BMPR2: variants seen among roughly 807,000 people sequenced by gnomAD.
BMPR2 encodes bone morphogenetic protein receptor type-2.
Under a neutral mutation model 100.8 loss-of-function variants are expected in BMPR2, and 29 were observed. The observed-to-expected ratio is 0.29, with a 90% CI of 0.21 to 0.39. The LOEUF (loss-of-function observed/expected upper bound fraction) is 0.39, where lower values mean the gene tolerates loss of function less well. Ranked by LOEUF, BMPR2 falls within the 10% of genes least tolerant of loss-of-function variation. BMPR2 has a pLI of 1.00. For missense variants in BMPR2, 1,011 were observed against 1,274.5 expected (o/e 0.79, Z 3.15); for synonymous variants, 382 against 442.3 (o/e 0.86, Z 1.71).
At chr2:202,551,065 T>C (rs973012762) in intron 10 of BMPR2, among the ~76,000 whole-genome samples, 1 of 150,148 alleles carries the variant, frequency 6.7e-6, no homozygotes, top group African/African-American at 2.5e-5. Context: ...CAAGCAATTT[T>C]CCTGCCTCAG....
At chr2:202,464,020 G>A (rs1255371864) in intron 1 of BMPR2, among the ~76,000 whole-genome samples, 3 of 151,974 alleles carry the variant, frequency 2.0e-5, no homozygotes, top group African/African-American at 7.2e-5. Flanking sequence ...TTAGCCGGGC[G>A]TGGTGGCACA....
At chr2:202,520,252 A>G (rs764768824) in intron 7 of BMPR2, 51 bp downstream of exon 7, 17 of 1,250,252 alleles carry the variant, frequency 1.4e-5, no homozygotes, top group East Asian at 2.3e-5. Flanking sequence ...CAAAATTCAC[A>G]ACAGGAAATT....
chr2:202,529,040 A>G (rs904355135), intron 7 of BMPR2, among the ~76,000 whole-genome samples: 8 of 152,138 alleles, frequency 5.3e-5, no homozygotes, highest in Non-Finnish European at 7.4e-5. Context: ...CTCCCTATGA[A>G]TTTTTTCCAT....
At chr2:202,499,796 A>AC (rs1348336004) in intron 3 of BMPR2, among the ~76,000 whole-genome samples, 1 of 152,218 alleles carries the variant, frequency 6.6e-6, no homozygotes, top group African/African-American at 2.4e-5. Flanking sequence ...ACCAAGAGGA[A>AC]CAGGCCCAAA....
At position 202,532,570 on chromosome 2, in the gene BMPR2, A is replaced by G; in HGVS notation, c.1129-15A>G. 1.2e-6 allele frequency: 2 copies of G among 1,613,262 alleles called. No homozygotes were observed. The highest frequency in any genetic ancestry group is 1.7e-6 in the Non-Finnish European group (2 of 1,179,408). Reference sequence around the variant, plus strand: ...CTACGTTCTCTCTCTAAAAAATATCACTCTAATTTATCAGGTTGGCACTAT... The same window carrying G: ...CTACGTTCTCTCTCTAAAAAATATCGCTCTAATTTATCAGGTTGGCACTAT... On this transcript the variant is annotated splice_polypyrimidine_tract_variant and intron_variant, in intron 8 of 12. Transcript: ENST00000374580. This position sits in a 1 kb window ranked among gnomAD's most constrained non-coding sequence, Gnocchi z 4.1.
chr2:202,469,850 A>G (rs4675279), intron 3 of BMPR2, among the ~76,000 whole-genome samples: 21,700 of 151,292 alleles, frequency 0.14, 1,889 homozygotes, highest in South Asian at 0.32. Context: ...AAGGGGGGGA[A>G]AAAAAGCCCT....
At position 202,555,391 on chromosome 2, in the gene BMPR2, C is replaced by T. The variant is rs765802370; in HGVS notation, c.1726C>T (p.Pro576Ser). The T allele has an allele frequency of 1.9e-6, 3 of 1,614,156 alleles. No homozygotes were observed. The highest frequency in any genetic ancestry group is 2.5e-6 in the Non-Finnish European group (3 of 1,180,030). ...CTCTGAGCATTCTATGTCCAGCACA[C>T]CTTTGACTATAGGGGAAAAAAACCG... The part of the protein sequence containing the change: ...ISSEHSMSST[P>S]LTIGEKNRNS... The change falls in exon 12 of 13, where the codon CCT (proline) becomes TCT (serine). Residue 576 changes from proline to serine, a missense_variant. By Grantham distance (74) the Pro-to-Ser change is moderately conservative. Around this residue, in one of 6 missense-constraint regions of BMPR2, gnomAD observed 508 missense variants for 552.0 expected, o/e 0.92. Transcript: ENST00000374580.
chr2:202,483,725 G>A (rs1692710564), intron 3 of BMPR2, among the ~76,000 whole-genome samples: 1 of 152,136 alleles, frequency 6.6e-6, no homozygotes, highest in African/African-American at 2.4e-5. Context: ...TTTGGATGTA[G>A]TTCAATTTAT....
intron 1 of BMPR2, among the ~76,000 whole-genome samples, chr2:202,464,434 A>G (rs1692279871): frequency 6.6e-6 from 1 of 152,168 alleles, no homozygotes; most frequent in Non-Finnish European, 1.5e-5. Flanking sequence ...GTACTATGCA[A>G]TTTCCAGAAT....
At chr2:202,530,747 A>G in intron 7 of BMPR2, 47 bp from the exon 8 acceptor site, 1 of 1,495,166 alleles carries the variant, frequency 6.7e-7, no homozygotes, top group Non-Finnish European at 9.2e-7. Context: ...TTTCATGTTC[A>G]ATAGTCCCTT....
At chr2:202,432,205 A>G (rs1691520238) in intron 1 of BMPR2, among the ~76,000 whole-genome samples, 1 of 150,736 alleles carries the variant, frequency 6.6e-6, no homozygotes, top group Admixed American at 6.6e-5. Flanking sequence ...AAATTCCTTT[A>G]AGATTTGTTT....
chr2:202,380,420 A>C (rs1559019239), intron 1 of BMPR2, among the ~76,000 whole-genome samples: 1 of 152,092 alleles, frequency 6.6e-6, no homozygotes, highest in African/African-American at 2.4e-5. Flanking sequence ...GAGTAACTGA[A>C]GTTTAGTAAT....
At chr2:202,480,991 G>A (rs1273042929) in intron 3 of BMPR2, among the ~76,000 whole-genome samples, 2 of 140,752 alleles carry the variant, frequency 1.4e-5, no homozygotes, top group Admixed American at 7.4e-5. Flanking sequence ...TCAATTGACC[G>A]TAAGTGCAAA....
chr2:202,539,660 G>A (rs1376326189), intron 9 of BMPR2, among the ~76,000 whole-genome samples: 1 of 151,980 alleles, frequency 6.6e-6, no homozygotes, highest in African/African-American at 2.4e-5. Flanking sequence ...TATTACAGAG[G>A]AAGAGTGAAA....
At chr2:202,394,935 G>T (rs1690629955) in intron 1 of BMPR2, among the ~76,000 whole-genome samples, 3 of 150,912 alleles carry the variant, frequency 2.0e-5, no homozygotes, top group Non-Finnish European at 1.5e-5. Flanking sequence ...TCCCAGGCTG[G>T]AGTGCAGTGG....
At chr2:202,382,627 C>G (rs1690327873) in intron 1 of BMPR2, among the ~76,000 whole-genome samples, 2 of 152,184 alleles carry the variant, frequency 1.3e-5, no homozygotes, top group Non-Finnish European at 2.9e-5. Flanking sequence ...ATAGGAATTT[C>G]AACCAGGAAT....
intron 1 of BMPR2, among the ~76,000 whole-genome samples, chr2:202,398,954 C>A (rs1218633709): frequency 6.6e-6 from 1 of 152,098 alleles, no homozygotes; most frequent in South Asian, 2.1e-4. Context: ...CATTGAGAAA[C>A]CCCGTCTCTA....
intron 1 of BMPR2, among the ~76,000 whole-genome samples, chr2:202,425,258 C>T (rs956599679): frequency 2.6e-5 from 4 of 152,172 alleles, no homozygotes; most frequent in African/African-American, 9.7e-5. Flanking sequence ...TATCTTCACC[C>T]CTTGCCCCAG....
intron 1 of BMPR2, among the ~76,000 whole-genome samples, chr2:202,439,671 G>A (rs574237401): frequency 5.3e-5 from 8 of 149,776 alleles, no homozygotes; most frequent in Non-Finnish European, 7.4e-5. Flanking sequence ...TTTTTGTCTC[G>A]TTCCTGATCT....
Sources: allele counts gnomAD v4.1 joint callset (sites outside exome capture counted in the v4.1 genomes callset), GRCh38; gene constraint gnomAD v4.1.1; regional missense constraint gnomAD v4.1.1; non-coding constraint Gnocchi (gnomAD v3.1); transcripts MANE v1.5; gene names NCBI Gene and HGNC (gene_info 2026-07-23, HGNC 2026-07-21).